GPI: variants seen among roughly 807,000 people sequenced by gnomAD.
GPI encodes glucose-6-phosphate isomerase, also known as D-hexose-6-phosphate anomerase.
A neutral mutation model predicts 75.8 loss-of-function variants in GPI; 56 were observed. The observed-to-expected ratio is 0.74, with a 90% CI of 0.60 to 0.92. The LOEUF (loss-of-function observed/expected upper bound fraction) is 0.92. GPI is among the 40% of genes least tolerant of loss of function. The pLI is 0.00. For missense variants in GPI, 638 were observed against 741.0 expected (o/e 0.86, Z 1.61); for synonymous variants, 288 against 285.4 (o/e 1.01, Z -0.09).
intron 14 of GPI, chr19:34,397,743 G>C (rs2074965844): frequency 6.6e-6 from 1 of 151,758 alleles, no homozygotes; most frequent in Non-Finnish European, 1.5e-5. Context: ...CTGGGCTCAA[G>C]TGATTCTCCT....
chr19:34,391,250 C>T lies in GPI; in HGVS notation c.805-1998C>T, dbSNP rs1324651674. The stretch of plus-strand genomic sequence containing the variant: ...CCATCAGTATCTGAGGAGGTGGGAT[C>T]GGGTCCTGGTATGAGGATCTGGGTC... On this transcript the variant is annotated intron_variant, in intron 9 of 17. Coordinates refer to ENST00000356487, the MANE Select transcript of GPI (RefSeq NM_000175.5). 6.9e-5 allele frequency among the ~76,000 whole-genome samples: 4 copies of T among 57,952 alleles called. No individual in the cohort carries two copies. The East Asian group carries it at 1.4e-3, about 20-fold the overall frequency. The allele number at this position is 57,952 out of a possible 152,430, so 38.0% of individuals were successfully genotyped here.
Position 34,366,406 on chromosome 19 carries a change from G to A in GPI, c.184G>A (p.Glu62Lys). 1 of 1,613,474 alleles carries A rather than the reference G, an allele frequency of 6.2e-7. No individual in the cohort carries two copies. The highest frequency in any genetic ancestry group is 8.5e-7 in the Non-Finnish European group (1 of 1,179,364). ...LVDYSKNLVT[E>K]DVMRMLVDLA... is the part of the protein sequence containing the mutation. ...GGATTACTCCAAGAACCTGGTGACG[G>A]AGGACGTGATGCGGATGCTGGTGGA... Residue 62 changes from glutamate (E) to lysine (K), a missense_variant, in exon 2 of 18, where the codon GAG (glutamate) becomes AAG (lysine). Coordinates refer to ENST00000356487, the MANE Select transcript of GPI (RefSeq NM_000175.5).
intron 4 of GPI, among the ~76,000 whole-genome samples, chr19:34,372,080 G>A (rs1387805062): frequency 4.6e-5 from 7 of 151,434 alleles, no homozygotes; most frequent in Non-Finnish European, 8.8e-5. Context: ...ACAGGCATCC[G>A]CCACCACACC....
intron 9 of GPI, among the ~76,000 whole-genome samples, chr19:34,389,367 A>G (rs1385672391): frequency 2.6e-5 from 4 of 152,026 alleles, no homozygotes; most frequent in Non-Finnish European, 5.9e-5. Flanking sequence ...TTAGCCGCAG[A>G]CTGTTCTCAG....
In GPI at chr19:34,399,857, A is replaced by G. The variant is rs548205169; in HGVS notation, c.1542-44A>G. 5.0e-6 allele frequency: 8 copies of G among 1,613,752 alleles called. No individual in the cohort carries two copies. In the East Asian group the frequency reaches 1.6e-4, roughly 31 times the overall value. ...TCAGGGATTTCAGTAGCAACGTTAGAGCCTTCCTCATACCACTCTTCCCTT... is the reference window on the plus strand; with the variant it reads ...TCAGGGATTTCAGTAGCAACGTTAGGGCCTTCCTCATACCACTCTTCCCTT... On this transcript the variant is annotated intron_variant, in intron 17 of 17. Coordinates refer to ENST00000356487, the MANE Select transcript of GPI (RefSeq NM_000175.5).
intron 3 of GPI, 43 bp from the exon 4 acceptor site, chr19:34,368,540 G>A: frequency 1.2e-6 from 2 of 1,612,806 alleles, no homozygotes; most frequent in Non-Finnish European, 1.7e-6. Context: ...TGGCTGCCTG[G>A]GGTTGGGGGG....
At position 34,397,008 on chromosome 19, in the gene GPI, A is replaced by C. The variant is rs189457226; in HGVS notation, c.1269+351A>C. Reference sequence around the variant, plus strand: ...GTAGTTTTGGTAAAGGGGGGGTTTCACTATGTTGGCCAGGCTGGTCTTGAA... The same window carrying C: ...GTAGTTTTGGTAAAGGGGGGGTTTCCCTATGTTGGCCAGGCTGGTCTTGAA... On this transcript the variant is annotated intron_variant, in intron 14 of 17. Coordinates refer to ENST00000356487, the MANE Select transcript of GPI (RefSeq NM_000175.5). 2.6e-5 allele frequency among the ~76,000 whole-genome samples: 4 copies of C among 152,218 alleles called. No homozygotes were observed. In the East Asian group the frequency reaches 7.7e-4, roughly 29 times the overall value.
Position 34,396,391 on chromosome 19 carries a change from A to G in GPI, c.1153A>G (p.Thr385Ala), listed in dbSNP as rs1276594984. ...TGPIVWGEPG[T>A]NGQHAFYQLI... ...CCCCATTGTGTGGGGGGAGCCAGGG[A>G]CCAATGGCCAGCATGCTTTTTACCA... Residue 385 changes from threonine (T) to alanine (A), a missense_variant, in exon 13 of 18, where the codon ACC (threonine) becomes GCC (alanine). Thr to Ala is a moderately conservative substitution (Grantham distance 58). Coordinates refer to ENST00000356487, the MANE Select transcript of GPI (RefSeq NM_000175.5). The G allele has an allele frequency of 6.2e-7, 1 of 1,614,054 alleles. No individual in the cohort carries two copies. Among genetic ancestry groups the G allele is most frequent in the African/African-American group, 1.3e-5 (1 of 74,930 alleles).
intron 9 of GPI, among the ~76,000 whole-genome samples, chr19:34,387,265 T>C (rs1201299933): frequency 6.6e-6 from 1 of 152,240 alleles, no homozygotes; most frequent in Non-Finnish European, 1.5e-5. Context: ...GTGAAACCAT[T>C]GCATCGATGC....
At chr19:34,366,161 C>T (rs777423844) in intron 1 of GPI, 184 bp from the exon 2 acceptor site, 1 of 699,708 alleles carries the variant, frequency 1.4e-6, no homozygotes, top group South Asian at 1.5e-5. Flanking sequence ...TTTCTCTGGG[C>T]TGCTGTTGCA....
chr19:34,366,974 G>A, intron 3 of GPI, 123 bp downstream of exon 3: 3 of 793,120 alleles, frequency 3.8e-6, no homozygotes, highest in Non-Finnish European at 4.4e-6. Flanking sequence ...TTAATGAGGG[G>A]CCTGAAGGCC....
chr19:34,381,617 C>T (rs1216073843), intron 9 of GPI, 98 bp downstream of exon 9: 5 of 863,920 alleles, frequency 5.8e-6, no homozygotes, highest in African/African-American at 5.0e-5. Context: ...TTATTGAGTA[C>T]CTGCTGCATA....
upstream of GPI, chr19:34,365,032 G>A (rs1016613004): frequency 3.9e-6 from 6 of 1,521,622 alleles, no homozygotes; most frequent in Non-Finnish European, 5.3e-6. Context: ...AGGGAGAGAG[G>A]AGCTGAGGCC....
At chr19:34,387,611 A>G (rs532688053) in intron 9 of GPI, among the ~76,000 whole-genome samples, 1 of 151,350 alleles carries the variant, frequency 6.6e-6, no homozygotes, top group East Asian at 2.0e-4. Context: ...TGGTGTTGTC[A>G]GTGAGTCTGT....
At chr19:34,381,117 C>T (rs764926175) in intron 8 of GPI, 62 of 399,134 alleles carry the variant, frequency 1.6e-4, no homozygotes, top group Non-Finnish European at 2.7e-4. Flanking sequence ...TCCCAGATGT[C>T]CAGGGGTATC....
intron 9 of GPI, among the ~76,000 whole-genome samples, chr19:34,386,725 ATC>A (rs1269717192): frequency 1.3e-5 from 2 of 152,202 alleles, no homozygotes; most frequent in Non-Finnish European, 2.9e-5. Context: ...AGGTAGATGT[ATC>A]TCTCTCAAGC....
intron 6 of GPI, among the ~76,000 whole-genome samples, 190 bp from the exon 7 acceptor site, chr19:34,378,744 T>C (rs1319472527): frequency 6.6e-6 from 1 of 152,118 alleles, no homozygotes; most frequent in Non-Finnish European, 1.5e-5. Flanking sequence ...GGGGTGTGTT[T>C]ACCGTCCCCC....
chr19:34,400,138 C>T lies in GPI; in HGVS notation c.*102C>T. ...GTTCCTGGACACCACCCAGAGCACC[C>T]TCTGGTTGTGGGCTTGGACCACGAG... On this transcript the variant is annotated 3_prime_UTR_variant, in exon 18 of 18. Transcript: ENST00000356487. 7.6e-7 allele frequency: 1 copy of T among 1,321,956 alleles called. No individual in the cohort carries two copies. The highest frequency in any genetic ancestry group is 1.2e-5 in the South Asian group (1 of 84,866). 81.9% of individuals were successfully genotyped at this position (1,321,956 alleles called of 1,614,324 possible). A position where few individuals can be genotyped will look rare whatever the true frequency, so the allele number is the denominator to read the frequency against.
chr19:34,393,282 T>C lies in GPI; in HGVS notation c.839T>C (p.Ile280Thr). ...VGGRYSLWSA[I>T]GLSIALHVGF... is the part of the protein sequence containing the mutation. ...GGACGCTACTCGCTGTGGTCGGCCA[T>C]CGGACTCTCCATTGCCCTGCACGTG... The change falls in exon 10 of 18, where the codon ATC (isoleucine) becomes ACC (threonine). Residue 280 changes from isoleucine (I) to threonine (T), a missense_variant. Transcript: ENST00000356487. The surrounding 1 kb of genome is among the most constrained non-coding windows in gnomAD (Gnocchi z 4.4). 6.2e-7 allele frequency: 1 copy of C among 1,613,612 alleles called. No individual in the cohort carries two copies. The highest frequency in any genetic ancestry group is 1.1e-5 in the South Asian group (1 of 91,064).
Sources: gnomAD v4.1 joint callset for allele counts (sites outside exome capture counted in the v4.1 genomes callset) on GRCh38, gnomAD v4.1.1 for gene constraint, Gnocchi (gnomAD v3.1) non-coding constraint, MANE v1.5 for transcripts, NCBI Gene and HGNC (gene_info 2026-07-23, HGNC 2026-07-21) for gene names.